The following TNNI3K variants were observed in gnomAD, a reference collection of about 807,000 sequenced individuals.
TNNI3K encodes the protein TNNI3 interacting kinase, also known as serine/threonine-protein kinase TNNI3K.
A neutral mutation model predicts 114.5 loss-of-function variants in TNNI3K; 140 were observed. The ratio of observed to expected loss-of-function variants is 1.22; its 90% CI spans 1.07 to 1.41. TNNI3K has a LOEUF of 1.41. TNNI3K is among the 40% of genes most tolerant of loss of function. TNNI3K has a pLI of 0.00. For synonymous variants in TNNI3K, 347 were observed against 347.5 expected, an observed-to-expected ratio of 1.00 and a Z score of 0.02; for missense variants, 1,125 against 1,007.6, an observed-to-expected ratio of 1.12 and a Z score of -1.58.
chr1:74,424,718 CAAA>C (rs71588833), intron 17 of TNNI3K, among the ~76,000 whole-genome samples: 3 of 113,752 alleles, frequency 2.6e-5, no homozygotes, highest in Non-Finnish European at 5.1e-5. Context: ...GAGTCCATCT[CAAA>C]AAAAAAAAAA....
chr1:74,293,278 A>T (rs1007696142), intron 5 of TNNI3K, among the ~76,000 whole-genome samples: 7 of 151,626 alleles, frequency 4.6e-5, no homozygotes, highest in Non-Finnish European at 7.4e-5. Flanking sequence ...TGTATATGTG[A>T]TGATCTGTTT....
chr1:74,350,984 TA>T (rs2100468291), intron 9 of TNNI3K, among the ~76,000 whole-genome samples: 1 of 152,172 alleles, frequency 6.6e-6, no homozygotes, highest in Non-Finnish European at 1.5e-5. Context: ...TTAGTATTGT[TA>T]TGTGTGAACT....
chr1:74,436,396 T>C (rs1666129939), intron 18 of TNNI3K, 78 bp from the exon 19 acceptor site: 3 of 1,469,234 alleles, frequency 2.0e-6, no homozygotes, highest in Admixed American at 5.2e-5. Context: ...CTCTTGAGGT[T>C]TCAAAATTTT....
intron 17 of TNNI3K, among the ~76,000 whole-genome samples, chr1:74,395,648 C>T (rs1462782472): frequency 6.6e-6 from 1 of 152,112 alleles, no homozygotes; most frequent in Non-Finnish European, 1.5e-5. Flanking sequence ...AGTCCCAATC[C>T]GTGGTTATGT....
intron 5 of TNNI3K, among the ~76,000 whole-genome samples, chr1:74,274,147 C>T (rs1392630749): frequency 6.6e-6 from 1 of 151,762 alleles, no homozygotes; most frequent in Non-Finnish European, 1.5e-5. Flanking sequence ...GTATTATATA[C>T]TATATTCTTA....
At chr1:74,239,507 A>C (rs1472284502) in intron 2 of TNNI3K, among the ~76,000 whole-genome samples, 1 of 152,146 alleles carries the variant, frequency 6.6e-6, no homozygotes, top group South Asian at 2.1e-4. Context: ...ATAAACAATT[A>C]TGTTATGTTG....
chr1:74,369,558 T>C lies in TNNI3K; in HGVS notation c.1640T>C (p.Leu547Pro). 6.2e-7 allele frequency: 1 copy of C among 1,610,570 alleles called. No individual in the cohort carries two copies. The highest frequency in any genetic ancestry group is 8.5e-7 in the Non-Finnish European group (1 of 1,178,338). ...ACTCAATACATATCAGGGGGTTCTC[T>C]GTTCTCCCTCCTTCATGAGCAGAAG... ...IVTQYISGGS[L>P]FSLLHEQKRI... Residue 547 changes from leucine (L) to proline (P), a missense_variant, in exon 16 of 25, where the codon CTG becomes CCG. Physicochemically the swap from Leu to Pro is moderately conservative, Grantham distance 98 (BLOSUM62 -3). Coordinates refer to ENST00000326637, the MANE Select transcript of TNNI3K (RefSeq NM_015978.3).
chr1:74,280,655 A>G (rs1656958355), intron 5 of TNNI3K, among the ~76,000 whole-genome samples: 1 of 152,204 alleles, frequency 6.6e-6, no homozygotes, highest in Non-Finnish European at 1.5e-5. Context: ...GCCAGAAGGT[A>G]ACCCTCCACT....
At chr1:74,444,293 G>C (rs1472182318) in intron 20 of TNNI3K, among the ~76,000 whole-genome samples, 1 of 151,938 alleles carries the variant, frequency 6.6e-6, no homozygotes. Flanking sequence ...TATTGTCTCA[G>C]TCCTTAAAAA....
intron 5 of TNNI3K, among the ~76,000 whole-genome samples, chr1:74,294,936 AT>A (rs1047836657): frequency 4.0e-5 from 6 of 151,144 alleles, no homozygotes; most frequent in Admixed American, 6.6e-5. Flanking sequence ...ATAACTTGGA[AT>A]TTTTTCTAAC....
At chr1:74,538,586 C>T (rs575779797) in intron 23 of TNNI3K, among the ~76,000 whole-genome samples, 99 of 152,048 alleles carry the variant, frequency 6.5e-4, no homozygotes, top group African/African-American at 1.9e-3. Flanking sequence ...GGAAATAAGG[C>T]GATGTGATGT....
intron 7 of TNNI3K, among the ~76,000 whole-genome samples, chr1:74,342,315 T>A (rs1271419354): frequency 6.6e-6 from 1 of 152,156 alleles, no homozygotes; most frequent in Non-Finnish European, 1.5e-5. Flanking sequence ...TGCTTTTCCC[T>A]TCATGATACC....
At chr1:74,380,746 T>G (rs1663161015) in intron 17 of TNNI3K, among the ~76,000 whole-genome samples, 2 of 152,194 alleles carry the variant, frequency 1.3e-5, no homozygotes, top group African/African-American at 4.8e-5. Context: ...AATGCCCTCT[T>G]GGCACCTTGT....
rs114425225 is a variant in TNNI3K at position 74,406,879 on chromosome 1, C to A, written c.1773-29201C>A. ...GCTGTTCCAAAATGACATAAAGAAC[C>A]TCCAGAAATGTCCTACATCAAGCAA... On this transcript the variant is annotated intron_variant, in intron 17 of 24. Coordinates refer to ENST00000326637, the MANE Select transcript of TNNI3K (RefSeq NM_015978.3). Among the ~76,000 whole-genome samples the A allele has an allele frequency of 4.7e-3, 719 of 152,264 alleles. 4 individuals carry two copies. Among genetic ancestry groups the A allele is most frequent in the African/African-American group, 0.016 (665 of 41,562 alleles).
chr1:74,540,214 G>A lies in TNNI3K; in HGVS notation c.2352-20G>A, dbSNP rs751236857. ...TATCAGATCACCATACTGTGAAACTGTGTTTTATTAATTTTCCAGTGCTGG... is the reference window on the plus strand; with the variant it reads ...TATCAGATCACCATACTGTGAAACTATGTTTTATTAATTTTCCAGTGCTGG... On this transcript the variant is annotated intron_variant, in intron 23 of 24. Transcript: ENST00000326637. 2 of 1,608,900 alleles carry A rather than the reference G, an allele frequency of 1.2e-6. No individual in the cohort carries two copies. The highest frequency in any genetic ancestry group is 1.7e-6 in the Non-Finnish European group (2 of 1,177,576).
At chr1:74,474,615 C>T (rs141253355) in intron 21 of TNNI3K, among the ~76,000 whole-genome samples, 341 of 152,222 alleles carry the variant, frequency 2.2e-3, no homozygotes, top group African/African-American at 7.8e-3. Context: ...ATTTTCACTG[C>T]TGAGCCTGAA....
At chr1:74,528,793 G>T (rs962324664) in intron 23 of TNNI3K, among the ~76,000 whole-genome samples, 1 of 152,164 alleles carries the variant, frequency 6.6e-6, no homozygotes, top group African/African-American at 2.4e-5. Flanking sequence ...CACTTCAACT[G>T]CAGGAACACA....
intron 17 of TNNI3K, among the ~76,000 whole-genome samples, chr1:74,425,428 T>A (rs1376959074): frequency 7.2e-5 from 11 of 152,138 alleles, no homozygotes; most frequent in Admixed American, 7.2e-4. Context: ...GAGTCACAAA[T>A]TGGATATTTA....
chr1:74,451,698 T>TCTTC (rs1667021176), intron 20 of TNNI3K, among the ~76,000 whole-genome samples: 1 of 70,120 alleles, frequency 1.4e-5, no homozygotes, highest in Non-Finnish European at 2.7e-5. Flanking sequence ...TTTCTTTCTT[T>TCTTC]CTTTCTTTCT....
Sources: allele counts gnomAD v4.1 joint callset (sites outside exome capture counted in the v4.1 genomes callset), GRCh38; gene constraint gnomAD v4.1.1; transcripts MANE v1.5; gene names NCBI Gene and HGNC (gene_info 2026-07-23, HGNC 2026-07-21).